SUMF1: variants seen among roughly 807,000 people sequenced by gnomAD.
SUMF1 encodes formylglycine-generating enzyme.
In SUMF1, 48 loss-of-function variants were observed where a neutral mutation model predicts 47.6. That is an observed-to-expected ratio of 1.01 (90% CI 0.80 to 1.28). The LOEUF (loss-of-function observed/expected upper bound fraction) is 1.28. Among genes scored for constraint, SUMF1 ranks in the 50% most tolerant of loss-of-function variants. The pLI, the probability that SUMF1 is intolerant of heterozygous loss-of-function variation, is 0.00. For missense variants in SUMF1, 571 were observed against 485.4 expected, an observed-to-expected ratio of 1.18 and a Z score of -1.66; for synonymous variants, 230 against 192.1, an observed-to-expected ratio of 1.20 and a Z score of -1.63.
At chr3:4,410,000 T>C (rs75224822) in intron 7 of SUMF1, among the ~76,000 whole-genome samples, 1,689 of 152,308 alleles carry the variant, frequency 0.011, 16 homozygotes, top group Non-Finnish European at 0.016. Flanking sequence ...AAAGTTCAGG[T>C]TTAAAATTAA....
intron 8 of SUMF1, among the ~76,000 whole-genome samples, chr3:4,151,247 AATAG>A (rs34783729): frequency 0.27 from 40,445 of 149,268 alleles, 6,059 homozygotes; most frequent in South Asian, 0.38. Context: ...ATCAACATAT[AATAG>A]ATAAACATTA....
chr3:4,117,410 T>C (rs1196836537), intron 8 of SUMF1, among the ~76,000 whole-genome samples: 3 of 152,246 alleles, frequency 2.0e-5, no homozygotes, highest in African/African-American at 7.2e-5. Flanking sequence ...TAAACTATGA[T>C]ACATGCTAAT....
intron 8 of SUMF1, among the ~76,000 whole-genome samples, chr3:4,140,346 C>T (rs963285459): frequency 1.3e-5 from 2 of 151,982 alleles, no homozygotes; most frequent in South Asian, 4.1e-4. Context: ...TTCCCACAAC[C>T]AACATTCCTT....
rs1199234330 is a variant in SUMF1 at position 4,171,520 on chromosome 3, A to G, written c.1015-102775T>C. On this transcript the variant is annotated intron_variant and NMD_transcript_variant, in intron 8 of 12. Coordinates refer to the SUMF1 transcript ENST00000448413. ...TAGACCAGACAATTATGTCAAAAAT[A>G]AATTAATATTTTTTATTGTTTACTT... 5.3e-5 allele frequency among the ~76,000 whole-genome samples: 8 copies of G among 152,322 alleles called. No homozygotes were observed. In the East Asian group the frequency reaches 1.3e-3, roughly 26 times the overall value.
intron 8 of SUMF1, among the ~76,000 whole-genome samples, chr3:4,123,025 T>G (rs1022494300): frequency 6.6e-6 from 1 of 152,168 alleles, no homozygotes; most frequent in Non-Finnish European, 1.5e-5. Flanking sequence ...ATACTTTAGG[T>G]AAGACAGAAG....
intron 8 of SUMF1, among the ~76,000 whole-genome samples, chr3:4,185,038 G>T (rs1695172616): frequency 6.6e-6 from 1 of 152,114 alleles, no homozygotes; most frequent in South Asian, 2.1e-4. Flanking sequence ...TCCTATACAA[G>T]GAGATTTTGT....
At chr3:4,129,218 T>C (rs1314876138) in intron 8 of SUMF1, among the ~76,000 whole-genome samples, 2 of 152,040 alleles carry the variant, frequency 1.3e-5, no homozygotes, top group East Asian at 3.9e-4. Context: ...AAAATTTAAA[T>C]ACAATGGGAA....
At chr3:4,113,239 A>G (rs1432520002) in intron 8 of SUMF1, among the ~76,000 whole-genome samples, 3 of 152,108 alleles carry the variant, frequency 2.0e-5, no homozygotes, top group Non-Finnish European at 4.4e-5. Flanking sequence ...TTTGAAATAT[A>G]TATTACAACC....
At chr3:4,430,717 T>C (rs1404708892) in intron 3 of SUMF1, among the ~76,000 whole-genome samples, 1 of 152,104 alleles carries the variant, frequency 6.6e-6, no homozygotes, top group Non-Finnish European at 1.5e-5. Flanking sequence ...ATTTCAAGCC[T>C]GTTCTAAGTA....
At chr3:4,182,232 G>C (rs182267890) in intron 8 of SUMF1, among the ~76,000 whole-genome samples, 1 of 152,088 alleles carries the variant, frequency 6.6e-6, no homozygotes, top group Non-Finnish European at 1.5e-5. Context: ...TTAATCCAGA[G>C]TGTCAAATGA....
chr3:4,254,502 GA>G (rs1696897222), intron 8 of SUMF1, among the ~76,000 whole-genome samples: 1 of 150,284 alleles, frequency 6.7e-6, no homozygotes, highest in Non-Finnish European at 1.5e-5. Context: ...TCAACTGGAA[GA>G]AAGGGTATCA....
At chr3:4,124,352 T>G (rs1693609228) in intron 8 of SUMF1, among the ~76,000 whole-genome samples, 1 of 152,120 alleles carries the variant, frequency 6.6e-6, no homozygotes, top group Admixed American at 6.5e-5. Flanking sequence ...TGAGGTCAGT[T>G]TGGTACAAGT....
intron 8 of SUMF1, among the ~76,000 whole-genome samples, chr3:4,330,848 T>G (rs538606282): frequency 4.6e-5 from 7 of 152,350 alleles, no homozygotes; most frequent in African/African-American, 1.7e-4. Flanking sequence ...CAAATCCATC[T>G]CAATCTCAAT....
chr3:4,243,163 A>G (rs1264000324), intron 8 of SUMF1, among the ~76,000 whole-genome samples: 1 of 151,880 alleles, frequency 6.6e-6, no homozygotes, highest in African/African-American at 2.4e-5. Flanking sequence ...TTTGTTCTTT[A>G]TTAGTCTTGC....
At chr3:4,323,007 A>G in intron 8 of SUMF1, among the ~76,000 whole-genome samples, 1 of 152,342 alleles carries the variant, frequency 6.6e-6, no homozygotes, top group Non-Finnish European at 1.5e-5. Flanking sequence ...CGATGAATGA[A>G]TAAACAAAAT....
intron 8 of SUMF1, among the ~76,000 whole-genome samples, chr3:4,106,494 T>A (rs1263654925): frequency 6.6e-6 from 1 of 152,142 alleles, no homozygotes; most frequent in Non-Finnish European, 1.5e-5. Context: ...TATAACTCCC[T>A]TTTCTTTTAA....
At chr3:4,114,433 G>C (rs994354840) in intron 8 of SUMF1, among the ~76,000 whole-genome samples, 1 of 152,134 alleles carries the variant, frequency 6.6e-6, no homozygotes, top group Non-Finnish European at 1.5e-5. Context: ...GAAAAATACA[G>C]CTTCATCAAA....
intron 8 of SUMF1, among the ~76,000 whole-genome samples, chr3:4,286,238 AAAC>A (rs1289394246): frequency 2.0e-5 from 3 of 152,082 alleles, no homozygotes; most frequent in African/African-American, 7.2e-5. Context: ...AAAATATTAA[AAAC>A]AAATTATCAG....
chr3:4,258,002 G>A (rs1696994576), intron 8 of SUMF1, among the ~76,000 whole-genome samples: 1 of 152,160 alleles, frequency 6.6e-6, no homozygotes, highest in Middle Eastern at 3.4e-3. Flanking sequence ...ACAAAAACAA[G>A]CAATGGGGAA....
Sources: allele counts gnomAD v4.1 joint callset (sites outside exome capture counted in the v4.1 genomes callset), GRCh38; gene constraint gnomAD v4.1.1; transcripts MANE v1.5; gene names NCBI Gene and HGNC (gene_info 2026-07-23, HGNC 2026-07-21).